Variants in DPP10 observed in about 807,000 individuals in gnomAD.
The protein encoded by DPP10 is inactive dipeptidyl peptidase 10.
In DPP10, 33 loss-of-function variants were observed where a neutral mutation model predicts 120.9. The observed-to-expected ratio is 0.27, with a 90% CI of 0.21 to 0.37. The LOEUF (loss-of-function observed/expected upper bound fraction) is 0.37, where lower values mean the gene tolerates loss of function less well. DPP10 is among the 10% of genes least tolerant of loss of function. DPP10 has a pLI of 1.00. For synonymous variants in DPP10, 337 were observed against 326.1 expected (o/e 1.03, Z -0.36); for missense variants, 816 against 942.8 (o/e 0.87, Z 1.76).
chr2:115,670,581 G>A (rs1172609344), intron 5 of DPP10, among the ~76,000 whole-genome samples: 1 of 152,062 alleles, frequency 6.6e-6, no homozygotes, highest in Non-Finnish European at 1.5e-5. Flanking sequence ...ATGTGACTAC[G>A]TTTAGAATCT....
chr2:114,575,053 A>C lies in DPP10; in HGVS notation c.60+132215A>C, dbSNP rs1689952625. Among the ~76,000 whole-genome samples, 3 of 152,230 alleles carry C rather than the reference A, an allele frequency of 2.0e-5. No individual in the cohort carries two copies. The South Asian group carries it at 6.2e-4, about 32-fold the overall frequency. On this transcript the variant is annotated intron_variant, in intron 1 of 25. Transcript: ENST00000410059. ...GGGGCTTGAAGAATAAAGATGAAAA[A>C]TGCATGCTCCATTTATTAGTATTTG...
chr2:115,189,941 C>A (rs537235660), intron 1 of DPP10, among the ~76,000 whole-genome samples: 3 of 152,268 alleles, frequency 2.0e-5, no homozygotes, highest in East Asian at 1.9e-4. Context: ...TTGGACAGAG[C>A]AGTTAGACCT....
At chr2:115,440,469 A>G (rs114424333) in intron 3 of DPP10, among the ~76,000 whole-genome samples, 341 of 145,084 alleles carry the variant, frequency 2.4e-3, no homozygotes, top group African/African-American at 8.2e-3. Context: ...TTATTTTACT[A>G]TGCAATTTCT....
chr2:114,551,026 C>T (rs569878217), intron 1 of DPP10, among the ~76,000 whole-genome samples: 9 of 152,318 alleles, frequency 5.9e-5, no homozygotes, highest in African/African-American at 1.9e-4. Context: ...TGGTCTGGCA[C>T]ATAATAGATA....
intron 1 of DPP10, among the ~76,000 whole-genome samples, chr2:115,041,408 G>A (rs1704633111): frequency 6.6e-6 from 1 of 152,018 alleles, no homozygotes; most frequent in Non-Finnish European, 1.5e-5. Flanking sequence ...TTCTTACTCT[G>A]TGGTTAGCCT....
chr2:115,372,912 A>G (rs1388005372), intron 3 of DPP10, among the ~76,000 whole-genome samples: 1 of 152,228 alleles, frequency 6.6e-6, no homozygotes. Context: ...AAACACAATC[A>G]AGACATAATA....
chr2:114,740,816 C>T (rs1677976694), intron 1 of DPP10, among the ~76,000 whole-genome samples: 1 of 152,184 alleles, frequency 6.6e-6, no homozygotes, highest in Admixed American at 6.5e-5. Context: ...GGTCCTATTT[C>T]AGTCGTTTAA....
chr2:114,749,619 C>T (rs543746963), intron 1 of DPP10, among the ~76,000 whole-genome samples: 2 of 86,384 alleles, frequency 2.3e-5, no homozygotes, highest in South Asian at 4.3e-4. Flanking sequence ...CAGAGTCTCA[C>T]TCTGTCGCCC....
At chr2:115,369,620 G>T (rs1035751490) in intron 3 of DPP10, among the ~76,000 whole-genome samples, 4 of 152,034 alleles carry the variant, frequency 2.6e-5, no homozygotes, top group Non-Finnish European at 5.9e-5. Context: ...AAGACAAGAA[G>T]TATAACAGCG....
chr2:115,325,510 G>C (rs370410867), intron 2 of DPP10, among the ~76,000 whole-genome samples: 1 of 152,062 alleles, frequency 6.6e-6, no homozygotes, highest in Non-Finnish European at 1.5e-5. Context: ...AATAAAGTAC[G>C]TTCAGTAGAA....
At chr2:115,359,301 G>A (rs1031087534) in intron 3 of DPP10, among the ~76,000 whole-genome samples, 3 of 152,100 alleles carry the variant, frequency 2.0e-5, no homozygotes, top group Non-Finnish European at 4.4e-5. Context: ...CTCCCTTAAA[G>A]ACCTCTTGTA....
intron 1 of DPP10, among the ~76,000 whole-genome samples, chr2:114,874,743 G>A (rs1263318915): frequency 1.3e-5 from 2 of 152,110 alleles, no homozygotes; most frequent in Non-Finnish European, 2.9e-5. Context: ...AGTCCCTGGT[G>A]CCAAAAAGGT....
intron 5 of DPP10, among the ~76,000 whole-genome samples, chr2:115,535,866 T>C (rs2078797959): frequency 6.6e-6 from 1 of 152,048 alleles, no homozygotes; most frequent in African/African-American, 2.4e-5. Flanking sequence ...TTTTATTCTC[T>C]TTGAAGCAAT....
chr2:115,169,480 T>A (rs2053151293), intron 1 of DPP10, among the ~76,000 whole-genome samples: 2 of 152,148 alleles, frequency 1.3e-5, no homozygotes, highest in Non-Finnish European at 2.9e-5. Context: ...ATGCTATGGA[T>A]CTTTTATAGG....
At chr2:114,461,673 A>C (rs964867538) in intron 1 of DPP10, 1 of 985,358 alleles carries the variant, frequency 1.0e-6, no homozygotes, top group African/African-American at 1.7e-5. Context: ...TTCGGAGACA[A>C]ATACTTGCTT....
chr2:115,246,135 A>G (rs1352252742), intron 1 of DPP10, among the ~76,000 whole-genome samples: 1 of 152,036 alleles, frequency 6.6e-6, no homozygotes, highest in African/African-American at 2.4e-5. Context: ...CCCACCTCTC[A>G]CTGTATACTT....
intron 1 of DPP10, among the ~76,000 whole-genome samples, chr2:114,866,148 T>TAAATAAATAAATAAAC (rs1325415816): frequency 6.7e-6 from 1 of 150,288 alleles, no homozygotes; most frequent in Admixed American, 6.6e-5. Flanking sequence ...AATAAATAAA[T>TAAATAAATAAATAAAC]AAACTTATAT....
At chr2:115,358,269 A>G (rs920668628) in intron 3 of DPP10, among the ~76,000 whole-genome samples, 2 of 152,118 alleles carry the variant, frequency 1.3e-5, no homozygotes, top group Non-Finnish European at 2.9e-5. Flanking sequence ...CAGATATGCT[A>G]AATTGTCTCA....
intron 19 of DPP10, among the ~76,000 whole-genome samples, chr2:115,810,215 C>T (rs1490389518): frequency 6.6e-6 from 1 of 150,692 alleles, no homozygotes; most frequent in South Asian, 2.1e-4. Flanking sequence ...CTATTTACCA[C>T]CAAATATTAC....
Sources: allele counts gnomAD v4.1 joint callset (sites outside exome capture counted in the v4.1 genomes callset), GRCh38; gene constraint gnomAD v4.1.1; transcripts MANE v1.5; gene names NCBI Gene and HGNC (gene_info 2026-07-23, HGNC 2026-07-21).